Variants in TMPRSS11D observed in about 807,000 individuals in gnomAD.
TMPRSS11D encodes the protein transmembrane protease serine 11D.
A neutral mutation model predicts 44.4 loss-of-function variants in TMPRSS11D; 32 were observed. That is an observed-to-expected ratio of 0.72 (90% confidence interval 0.54 to 0.97). TMPRSS11D has a LOEUF of 0.97. Among genes scored for constraint, TMPRSS11D ranks in the 50% least tolerant of loss-of-function variants. The pLI is 0.00. For missense variants in TMPRSS11D, 446 were observed against 502.6 expected (o/e 0.89, Z 1.08); for synonymous variants, 179 against 177.9 (o/e 1.01, Z -0.05).
At chr4:67,883,564 A>G (rs1449482037) in intron 1 of TMPRSS11D, among the ~76,000 whole-genome samples, 1 of 141,678 alleles carries the variant, frequency 7.1e-6, no homozygotes, top group East Asian at 2.0e-4. Flanking sequence ...AGAATCCTCG[A>G]AAAGTTCCAA....
chr4:67,832,474 C>T (rs1352149697), intron 7 of TMPRSS11D, among the ~76,000 whole-genome samples: 5 of 151,922 alleles, frequency 3.3e-5, no homozygotes, highest in Non-Finnish European at 7.4e-5. Context: ...GCAACCTACT[C>T]GCCACTGGTA....
intron 1 of TMPRSS11D, 140 bp downstream of exon 1, chr4:67,883,786 A>G: frequency 1.7e-6 from 1 of 578,578 alleles, no homozygotes; most frequent in Non-Finnish European, 2.9e-6. Flanking sequence ...AACAATATCT[A>G]AGAGTTTCGA....
intron 1 of TMPRSS11D, among the ~76,000 whole-genome samples, chr4:67,871,282 A>G (rs985277035): frequency 6.6e-6 from 1 of 152,192 alleles, no homozygotes; most frequent in African/African-American, 2.4e-5. Context: ...GAGCTGTGAT[A>G]CAGCTCTGCA....
intron 7 of TMPRSS11D, among the ~76,000 whole-genome samples, chr4:67,827,974 C>G (rs1037784432): frequency 1.2e-4 from 18 of 151,676 alleles, no homozygotes; most frequent in African/African-American, 4.4e-4. Flanking sequence ...AAGGGGCATT[C>G]TTATCTTGTT....
At position 67,821,322 on chromosome 4, in the gene TMPRSS11D, A is replaced by T. The variant is rs1423402066; in HGVS notation, c.*1015T>A. The stretch of plus-strand genomic sequence containing the variant: ...TGACAAAGTTTTTTCTGTCTTCAGG[A>T]TCATTCTATTGATATTAAGCTATTT... On this transcript the variant is annotated 3_prime_UTR_variant, in exon 10 of 10. Transcript: ENST00000283916. 6.6e-6 allele frequency: 1 copy of T among 152,148 alleles called. No homozygotes were observed. Among genetic ancestry groups the T allele is most frequent in the Non-Finnish European group, 1.5e-5 (1 of 68,016 alleles). 9.4% of individuals were successfully genotyped at this position (152,148 alleles called of 1,614,324 possible).
In TMPRSS11D at chr4:67,853,897, C is replaced by G. The variant is rs78978916; in HGVS notation, c.249+171G>C. On this transcript the variant is annotated intron_variant, in intron 3 of 9. Transcript: ENST00000283916. ...TCATGACAAAGATGTGAATAAGAAC[C>G]AGTATATGAGTAAACTAACTGGATA... Among the ~76,000 whole-genome samples, 1,256 of 152,202 alleles carry G rather than the reference C, an allele frequency of 8.3e-3. 13 individuals carry two copies. The highest frequency in any genetic ancestry group is 0.026 in the African/African-American group (1,095 of 41,518).
At chr4:67,848,101 C>T (rs1413062586) in intron 3 of TMPRSS11D, among the ~76,000 whole-genome samples, 1 of 152,156 alleles carries the variant, frequency 6.6e-6, no homozygotes, top group Non-Finnish European at 1.5e-5. Context: ...ATTAATATTG[C>T]TTTCTTTCTC....
intron 4 of TMPRSS11D, chr4:67,839,069 A>G (rs932129061): frequency 1.3e-5 from 2 of 152,164 alleles, no homozygotes; most frequent in Non-Finnish European, 1.5e-5. Flanking sequence ...CTGAAAAAGT[A>G]CATTAAAGAT....
chr4:67,880,947 T>C (rs1719306531), intron 1 of TMPRSS11D, among the ~76,000 whole-genome samples: 1 of 152,226 alleles, frequency 6.6e-6, no homozygotes, highest in Admixed American at 6.5e-5. Context: ...TATAAACTTT[T>C]CCAAAGTCCA....
At chr4:67,881,414 A>G (rs1052216914) in intron 1 of TMPRSS11D, among the ~76,000 whole-genome samples, 1 of 152,226 alleles carries the variant, frequency 6.6e-6, no homozygotes, top group Non-Finnish European at 1.5e-5. Flanking sequence ...CCACACCATC[A>G]TTAGAAAAAC....
intron 3 of TMPRSS11D, among the ~76,000 whole-genome samples, chr4:67,846,995 C>G (rs941083650): frequency 1.3e-5 from 2 of 152,050 alleles, no homozygotes; most frequent in Non-Finnish European, 2.9e-5. Context: ...ACCTCTGCCT[C>G]CCAGGTTCAA....
chr4:67,862,101 G>A (rs574335635), intron 1 of TMPRSS11D, among the ~76,000 whole-genome samples: 169 of 152,166 alleles, frequency 1.1e-3, no homozygotes, highest in Admixed American at 2.8e-3. Context: ...CATTTACCCA[G>A]TTTCCCTCTC....
At chr4:67,838,089 G>T in intron 5 of TMPRSS11D, 83 bp downstream of exon 5, 1 of 1,188,452 alleles carries the variant, frequency 8.4e-7, no homozygotes, top group Non-Finnish European at 1.1e-6. Flanking sequence ...AGAAAAGTCA[G>T]CCTCTCAATT....
chr4:67,857,738 G>C (rs1718690088), intron 2 of TMPRSS11D, among the ~76,000 whole-genome samples: 2 of 152,162 alleles, frequency 1.3e-5, no homozygotes, highest in African/African-American at 4.8e-5. Context: ...GGATTGAAGA[G>C]AGGTTGGCTA....
intron 2 of TMPRSS11D, 68 bp downstream of exon 2, chr4:67,859,489 G>T: frequency 6.5e-7 from 1 of 1,527,402 alleles, no homozygotes; most frequent in East Asian, 2.3e-5. Flanking sequence ...AAGAAAGAAT[G>T]CCAGACTTTA....
At chr4:67,840,200 G>C (rs1718199935) in intron 4 of TMPRSS11D, among the ~76,000 whole-genome samples, 1 of 152,050 alleles carries the variant, frequency 6.6e-6, no homozygotes, top group African/African-American at 2.4e-5. Context: ...GCCGGAGACT[G>C]GGTAATTTAC....
At chr4:67,874,134 A>C (rs927634815) in intron 1 of TMPRSS11D, among the ~76,000 whole-genome samples, 1 of 152,154 alleles carries the variant, frequency 6.6e-6, no homozygotes, top group Non-Finnish European at 1.5e-5. Flanking sequence ...AACGTGCTAT[A>C]CAGGTCTGTA....
intron 1 of TMPRSS11D, among the ~76,000 whole-genome samples, chr4:67,880,037 C>A (rs991405704): frequency 1.3e-5 from 2 of 152,032 alleles, no homozygotes; most frequent in African/African-American, 4.8e-5. Context: ...CTTTCAAAGG[C>A]AGGTAGAATT....
intron 1 of TMPRSS11D, among the ~76,000 whole-genome samples, chr4:67,863,394 C>G (rs1478993596): frequency 1.3e-5 from 2 of 149,978 alleles, no homozygotes; most frequent in African/African-American, 4.9e-5. Flanking sequence ...TCCCATTGGA[C>G]TATAGTGTTT....
Sources: gnomAD v4.1 joint callset for allele counts (sites outside exome capture counted in the v4.1 genomes callset) on GRCh38, gnomAD v4.1.1 for gene constraint, MANE v1.5 for transcripts, NCBI Gene and HGNC (gene_info 2026-07-23, HGNC 2026-07-21) for gene names.